DOK6: variants seen among roughly 807,000 people sequenced by gnomAD.
DOK6 encodes the protein downstream of tyrosine kinase 6.
DOK6 carries 22 observed loss-of-function variants against 44.0 expected under a neutral mutation model. That is an observed-to-expected ratio of 0.50 (90% confidence interval 0.36 to 0.71). The LOEUF (loss-of-function observed/expected upper bound fraction) is 0.71, where lower values mean the gene tolerates loss of function less well. Ranked by LOEUF, DOK6 falls within the 30% of genes least tolerant of loss-of-function variation. The probability of loss-of-function intolerance (pLI) is 0.00; values close to 1 mark genes in which losing one functional copy is unlikely to be tolerated. For synonymous variants in DOK6, 166 were observed against 145.5 expected, an observed-to-expected ratio of 1.14 and a Z score of -1.01; for missense variants, 340 against 416.4, an observed-to-expected ratio of 0.82 and a Z score of 1.60.
chr18:69,704,364 G>T (rs1183524587), intron 5 of DOK6, among the ~76,000 whole-genome samples: 1 of 151,228 alleles, frequency 6.6e-6, no homozygotes, highest in African/African-American at 2.4e-5. Context: ...ACACTCAATT[G>T]TTCCTTAAGG....
rs141744926 is a variant in DOK6, at chr18:69,476,422, G to C, written c.66+75112G>C. On this transcript the variant is annotated intron_variant, in intron 1 of 7. Coordinates refer to ENST00000382713, the MANE Select transcript of DOK6 (RefSeq NM_152721.6). ...GAATTTTGTTTTTGTTTTCTCAAGA[G>C]CGGAAGAGAAATCAGAGGGATTCTT... Among the ~76,000 whole-genome samples the C allele has an allele frequency of 9.2e-5, 14 of 151,756 alleles. No homozygotes were observed. In the East Asian group the frequency reaches 2.6e-3, roughly 28 times the overall value.
intron 5 of DOK6, among the ~76,000 whole-genome samples, chr18:69,700,910 G>C (rs1228680789): frequency 2.6e-5 from 4 of 152,202 alleles, no homozygotes; most frequent in Non-Finnish European, 5.9e-5. Flanking sequence ...CACTTTCTAG[G>C]TTTTATTAGC....
At chr18:69,704,232 C>T (rs546128006) in intron 5 of DOK6, among the ~76,000 whole-genome samples, 145 of 152,210 alleles carry the variant, frequency 9.5e-4, no homozygotes, top group African/African-American at 3.4e-3. Flanking sequence ...CCTCCACAGC[C>T]CCCCCACCCC....
chr18:69,710,581 CAT>C (rs529949058), intron 5 of DOK6, among the ~76,000 whole-genome samples: 22 of 152,170 alleles, frequency 1.4e-4, no homozygotes, highest in African/African-American at 2.2e-4. Flanking sequence ...GATGGGAAAA[CAT>C]ATTATCTTTT....
chr18:69,779,672 G>A (rs1980193584), intron 7 of DOK6, among the ~76,000 whole-genome samples: 1 of 148,184 alleles, frequency 6.7e-6, no homozygotes, highest in African/African-American at 2.5e-5. Context: ...GTAACAATAG[G>A]AGAGGTCTCT....
chr18:69,519,662 A>G (rs1212320849), intron 1 of DOK6, among the ~76,000 whole-genome samples: 1 of 151,964 alleles, frequency 6.6e-6, no homozygotes, highest in African/African-American at 2.4e-5. Context: ...TTTGGAGTGG[A>G]GACTAAAATG....
intron 7 of DOK6, among the ~76,000 whole-genome samples, chr18:69,786,474 G>A (rs1980433784): frequency 6.6e-6 from 1 of 152,194 alleles, no homozygotes; most frequent in African/African-American, 2.4e-5. Context: ...TTGATGTAGA[G>A]TTGAAATAAC....
chr18:69,417,570 A>G (rs980784488), intron 1 of DOK6, among the ~76,000 whole-genome samples: 1 of 152,044 alleles, frequency 6.6e-6, no homozygotes, highest in Admixed American at 6.6e-5. Flanking sequence ...TTTCTTTTGT[A>G]TATATACCCA....
chr18:69,673,368 A>C (rs963001421), intron 3 of DOK6, among the ~76,000 whole-genome samples: 3 of 152,228 alleles, frequency 2.0e-5, no homozygotes, highest in African/African-American at 7.2e-5. Flanking sequence ...TACTTAGTCA[A>C]TAGGCATTTA....
At chr18:69,725,175 G>A (rs1289417589) in intron 5 of DOK6, among the ~76,000 whole-genome samples, 1 of 152,222 alleles carries the variant, frequency 6.6e-6, no homozygotes, top group Non-Finnish European at 1.5e-5. Flanking sequence ...GTGGTAGACA[G>A]AGGATAAACT....
At chr18:69,513,404 A>T (rs11660112) in intron 1 of DOK6, among the ~76,000 whole-genome samples, 61,148 of 151,540 alleles carry the variant, frequency 0.4, 13,262 homozygotes, top group Non-Finnish European at 0.49. Context: ...ACTCTCTCTC[A>T]GAGTACAATC....
chr18:69,726,252 T>C (rs1399016416), intron 5 of DOK6, among the ~76,000 whole-genome samples: 1 of 152,208 alleles, frequency 6.6e-6, no homozygotes, highest in Non-Finnish European at 1.5e-5. Context: ...AACTAGCTAG[T>C]TCACTGAATA....
At chr18:69,412,180 C>T (rs1978309154) in intron 1 of DOK6, among the ~76,000 whole-genome samples, 1 of 151,608 alleles carries the variant, frequency 6.6e-6, no homozygotes, top group African/African-American at 2.4e-5. Context: ...ACACCATTAA[C>T]AGAAATGGAA....
chr18:69,522,322 C>A (rs1981710766), intron 1 of DOK6, among the ~76,000 whole-genome samples: 1 of 151,866 alleles, frequency 6.6e-6, no homozygotes, highest in South Asian at 2.1e-4. Context: ...CGGAGGTCCC[C>A]AAACACAATA....
chr18:69,629,990 T>A (rs2144645124), intron 3 of DOK6, among the ~76,000 whole-genome samples: 2 of 152,236 alleles, frequency 1.3e-5, no homozygotes, highest in South Asian at 4.2e-4. Flanking sequence ...GATGTCGAAC[T>A]CCTGGCCTCG....
intron 1 of DOK6, among the ~76,000 whole-genome samples, chr18:69,541,392 A>C (rs1222435526): frequency 6.6e-6 from 1 of 151,520 alleles, no homozygotes; most frequent in Admixed American, 6.6e-5. Context: ...GGATCTGTGC[A>C]TTGATGATGT....
At chr18:69,808,531 C>G (rs1981122543) in intron 7 of DOK6, among the ~76,000 whole-genome samples, 1 of 151,674 alleles carries the variant, frequency 6.6e-6, no homozygotes, top group Non-Finnish European at 1.5e-5. Context: ...AATCAACAAA[C>G]TTTTACCTAG....
At chr18:69,687,759 A>G (rs1331477958) in intron 4 of DOK6, among the ~76,000 whole-genome samples, 1 of 152,198 alleles carries the variant, frequency 6.6e-6, no homozygotes, top group Admixed American at 6.5e-5. Flanking sequence ...CTCAGTAAAC[A>G]TCATTCTTGA....
At position 69,475,100 on chromosome 18, in the gene DOK6, G is replaced by A. The variant is rs191557513; in HGVS notation, c.66+73790G>A. Among the ~76,000 whole-genome samples the A allele has an allele frequency of 5.5e-4, 84 of 151,978 alleles. No individual in the cohort carries two copies. The East Asian group carries it at 0.016, about 28-fold the overall frequency. ...AAAACTCACTAAATCACTCCTGAAGGGATGATGTAGCTAATAAATACCAGT... is the reference window on the plus strand; with the variant it reads ...AAAACTCACTAAATCACTCCTGAAGAGATGATGTAGCTAATAAATACCAGT... On this transcript the variant is annotated intron_variant, in intron 1 of 7. Transcript: ENST00000382713.
Sources: allele counts gnomAD v4.1 joint callset (sites outside exome capture counted in the v4.1 genomes callset), GRCh38; gene constraint gnomAD v4.1.1; transcripts MANE v1.5; gene names NCBI Gene and HGNC (gene_info 2026-07-23, HGNC 2026-07-21).